The following ITGA9 variants were observed in gnomAD, a reference collection of about 807,000 sequenced individuals.
The protein encoded by ITGA9 is integrin subunit alpha 9.
A neutral mutation model predicts 127.8 loss-of-function variants in ITGA9; 56 were observed. The observed-to-expected ratio is 0.44, with a 90% CI of 0.35 to 0.55. ITGA9 has a LOEUF of 0.55. Ranked by LOEUF, ITGA9 falls within the 20% of genes least tolerant of loss-of-function variation. The probability of loss-of-function intolerance (pLI) is 0.00; values close to 1 mark genes in which losing one functional copy is unlikely to be tolerated. For missense variants in ITGA9, 1,196 were observed against 1,347.1 expected, an observed-to-expected ratio of 0.89 and a Z score of 1.76; for synonymous variants, 508 against 514.5, an observed-to-expected ratio of 0.99 and a Z score of 0.17.
chr3:37,459,694 T>A (rs1698296272), intron 1 of ITGA9, among the ~76,000 whole-genome samples: 1 of 152,130 alleles, frequency 6.6e-6, no homozygotes, highest in African/African-American at 2.4e-5. Flanking sequence ...GGCTAATGAG[T>A]TGTCGAGCAC....
intron 16 of ITGA9, among the ~76,000 whole-genome samples, chr3:37,632,634 T>C (rs1258163627): frequency 6.6e-6 from 1 of 152,154 alleles, no homozygotes; most frequent in Non-Finnish European, 1.5e-5. Context: ...AAACCAAAAT[T>C]ATCATAGACA....
chr3:37,473,587 A>T (rs1579048279), intron 3 of ITGA9, 127 bp downstream of exon 3: 1 of 611,650 alleles, frequency 1.6e-6, no homozygotes, highest in Admixed American at 2.9e-5. Context: ...ACTACTGCTT[A>T]GACAAATGAC....
intron 17 of ITGA9, among the ~76,000 whole-genome samples, chr3:37,658,749 G>T (rs1700503392): frequency 6.6e-6 from 1 of 152,084 alleles, no homozygotes; most frequent in Non-Finnish European, 1.5e-5. Flanking sequence ...CAATTATTTT[G>T]CCCATTAATT....
At chr3:37,758,299 C>T (rs1465206016) in intron 23 of ITGA9, among the ~76,000 whole-genome samples, 1 of 113,432 alleles carries the variant, frequency 8.8e-6, no homozygotes, top group Non-Finnish European at 1.6e-5. Context: ...GTCCGCAGTC[C>T]GGCCTGGGCG....
At chr3:37,487,478 C>T (rs996972123) in intron 4 of ITGA9, among the ~76,000 whole-genome samples, 2 of 152,160 alleles carry the variant, frequency 1.3e-5, no homozygotes, top group Admixed American at 6.5e-5. Flanking sequence ...CCATGTATTA[C>T]GTGGAATTAT....
At chr3:37,793,072 T>C (rs1697130593) in intron 26 of ITGA9, among the ~76,000 whole-genome samples, 1 of 152,052 alleles carries the variant, frequency 6.6e-6, no homozygotes, top group Admixed American at 6.6e-5. Flanking sequence ...CCTGGTCAGT[T>C]TACTCTAAAT....
chr3:37,731,463 TG>T (rs1324070816), intron 18 of ITGA9, among the ~76,000 whole-genome samples: 1 of 152,248 alleles, frequency 6.6e-6, no homozygotes, highest in East Asian at 1.9e-4. Context: ...TATCCGAGAC[TG>T]GATGCTGAAA....
intron 17 of ITGA9, among the ~76,000 whole-genome samples, chr3:37,681,118 A>G (rs1387773401): frequency 6.6e-6 from 1 of 152,188 alleles, no homozygotes; most frequent in Admixed American, 6.5e-5. Context: ...ATTTTTGCCT[A>G]TGGAGATTTT....
At chr3:37,540,853 G>A (rs1388066915) in intron 14 of ITGA9, among the ~76,000 whole-genome samples, 2 of 152,182 alleles carry the variant, frequency 1.3e-5, no homozygotes, top group East Asian at 3.8e-4. Context: ...GGCACCTCCT[G>A]AGAGTTTCCA....
intron 27 of ITGA9, chr3:37,805,939 C>G (rs1697290388): frequency 6.6e-6 from 1 of 151,944 alleles, no homozygotes; most frequent in Admixed American, 6.6e-5. Flanking sequence ...TCCCAAAGTG[C>G]TGGGATTACA....
At chr3:37,594,862 C>A (rs1699854256) in intron 15 of ITGA9, among the ~76,000 whole-genome samples, 1 of 152,144 alleles carries the variant, frequency 6.6e-6, no homozygotes. Context: ...ACAGTCAGAG[C>A]CCACTACAGC....
intron 17 of ITGA9, among the ~76,000 whole-genome samples, chr3:37,657,711 T>C (rs1392423223): frequency 6.6e-6 from 1 of 151,998 alleles, no homozygotes; most frequent in Admixed American, 6.5e-5. Flanking sequence ...GTTCTGATCT[T>C]AATTATTTCT....
chr3:37,545,107 C>G (rs140933753), intron 15 of ITGA9, among the ~76,000 whole-genome samples: 13 of 152,172 alleles, frequency 8.5e-5, no homozygotes, highest in Non-Finnish European at 1.3e-4. Context: ...GCAGCCGGGC[C>G]ACCTCCTGGA....
intron 14 of ITGA9, among the ~76,000 whole-genome samples, chr3:37,533,731 A>G (rs1465341359): frequency 1.3e-5 from 2 of 152,240 alleles, no homozygotes; most frequent in African/African-American, 4.8e-5. Flanking sequence ...GCTAGACTGA[A>G]GCCTCATTGG....
At chr3:37,571,201 C>T (rs903270351) in intron 15 of ITGA9, among the ~76,000 whole-genome samples, 1 of 151,818 alleles carries the variant, frequency 6.6e-6, no homozygotes, top group Non-Finnish European at 1.5e-5. Context: ...GCAGGGAGAT[C>T]TACTGGAGGC....
chr3:37,669,255 G>T (rs1700614352), intron 17 of ITGA9, among the ~76,000 whole-genome samples: 1 of 152,218 alleles, frequency 6.6e-6, no homozygotes, highest in African/African-American at 2.4e-5. Flanking sequence ...CTTTGGTCTG[G>T]AAAGTCACCC....
At chr3:37,608,312 AAC>A (rs1292333077) in intron 15 of ITGA9, among the ~76,000 whole-genome samples, 3 of 152,248 alleles carry the variant, frequency 2.0e-5, no homozygotes, top group African/African-American at 4.8e-5. Context: ...AGAGATCATA[AAC>A]ACACATGAAT....
At chr3:37,670,683 C>T (rs1183758999) in intron 17 of ITGA9, among the ~76,000 whole-genome samples, 2 of 152,190 alleles carry the variant, frequency 1.3e-5, no homozygotes. Flanking sequence ...AGATTTACCT[C>T]CAGATCTTTT....
At chr3:37,496,878 G>A (rs1698735991) in intron 5 of ITGA9, among the ~76,000 whole-genome samples, 2 of 152,196 alleles carry the variant, frequency 1.3e-5, no homozygotes, top group Non-Finnish European at 2.9e-5. Flanking sequence ...CACTAATGGA[G>A]GAACTGCTGG....
Sources: gnomAD v4.1 joint callset for allele counts (sites outside exome capture counted in the v4.1 genomes callset) on GRCh38, gnomAD v4.1.1 for gene constraint, MANE v1.5 for transcripts, NCBI Gene and HGNC (gene_info 2026-07-23, HGNC 2026-07-21) for gene names.